ADGRL3: variants seen among roughly 807,000 people sequenced by gnomAD.
ADGRL3 encodes the protein calcium-independent alpha-latrotoxin receptor 3.
In ADGRL3, 62 loss-of-function variants were observed where a neutral mutation model predicts 153.5. The observed-to-expected ratio is 0.40, with a 90% CI of 0.33 to 0.50. ADGRL3 has a LOEUF of 0.50. ADGRL3 is among the 20% of genes least tolerant of loss of function. The pLI is 0.47. For synonymous variants in ADGRL3, 710 were observed against 672.5 expected, an observed-to-expected ratio of 1.06 and a Z score of -0.86; for missense variants, 1,641 against 1,859.4, an observed-to-expected ratio of 0.88 and a Z score of 2.16.
intron 17 of ADGRL3, among the ~76,000 whole-genome samples, chr4:61,964,699 TTTC>T (rs1293566891): frequency 6.6e-6 from 1 of 152,112 alleles, no homozygotes; most frequent in Non-Finnish European, 1.5e-5. Flanking sequence ...ATTGATTTGT[TTTC>T]TTCTTCATTA....
chr4:62,010,941 C>T (rs550575100), intron 21 of ADGRL3, among the ~76,000 whole-genome samples: 12 of 151,894 alleles, frequency 7.9e-5, no homozygotes, highest in African/African-American at 2.9e-4. Context: ...GTTTCAAAAC[C>T]AAGTTCATAT....
chr4:61,735,684 A>G (rs2096498767), intron 8 of ADGRL3, among the ~76,000 whole-genome samples: 1 of 152,214 alleles, frequency 6.6e-6, no homozygotes, highest in Non-Finnish European at 1.5e-5. Context: ...CAAAGGAATA[A>G]TAAATAATAA....
At chr4:61,553,215 G>A (rs1161024123) in intron 4 of ADGRL3, among the ~76,000 whole-genome samples, 1 of 152,140 alleles carries the variant, frequency 6.6e-6, no homozygotes, top group Non-Finnish European at 1.5e-5. Flanking sequence ...AAGTGAAACA[G>A]CTATTATTCC....
intron 2 of ADGRL3, among the ~76,000 whole-genome samples, chr4:61,383,831 T>C (rs1050121570): frequency 2.0e-5 from 3 of 151,922 alleles, no homozygotes; most frequent in South Asian, 4.1e-4. Context: ...CAGAAAATCA[T>C]AGAAGGCAAA....
At chr4:61,995,941 G>A (rs896179066) in intron 19 of ADGRL3, among the ~76,000 whole-genome samples, 3 of 152,042 alleles carry the variant, frequency 2.0e-5, no homozygotes, top group South Asian at 2.1e-4. Context: ...CACCATAATC[G>A]GAGAGAAAAG....
chr4:61,864,337 T>G (rs937978249), intron 9 of ADGRL3, among the ~76,000 whole-genome samples: 10 of 152,180 alleles, frequency 6.6e-5, no homozygotes, highest in African/African-American at 2.2e-4. Flanking sequence ...CCCCATTGGA[T>G]TTAAGCTCCA....
At chr4:61,282,329 ACTT>A (rs1335386063) in intron 1 of ADGRL3, among the ~76,000 whole-genome samples, 2 of 152,024 alleles carry the variant, frequency 1.3e-5, no homozygotes, top group African/African-American at 4.8e-5. Flanking sequence ...ACCATGTTAA[ACTT>A]CTACTTTCAC....
rs1041490661 is a variant in ADGRL3, at chr4:61,846,031, T to G, written c.1480+32142T>G. Among the ~76,000 whole-genome samples the G allele has an allele frequency of 2.6e-5, 4 of 152,228 alleles. No individual in the cohort carries two copies. The South Asian group carries it at 8.3e-4, about 32-fold the overall frequency. ...TATTTATGCAAATTAAAGTCCTTTCTTGGCCAGGTATGGTGGCTGAGGTCT... is the reference window on the plus strand; with the variant it reads ...TATTTATGCAAATTAAAGTCCTTTCGTGGCCAGGTATGGTGGCTGAGGTCT... On this transcript the variant is annotated intron_variant, in intron 9 of 26. Coordinates refer to ENST00000683033, the MANE Select transcript of ADGRL3 (RefSeq NM_001387552.1).
At chr4:61,395,779 A>G (rs1407495036) in intron 2 of ADGRL3, among the ~76,000 whole-genome samples, 2 of 151,996 alleles carry the variant, frequency 1.3e-5, no homozygotes, top group African/African-American at 2.4e-5. Flanking sequence ...ATATCTGAAA[A>G]TGTTTTAACT....
chr4:61,411,199 A>G (rs1349824768), intron 2 of ADGRL3, among the ~76,000 whole-genome samples: 1 of 152,084 alleles, frequency 6.6e-6, no homozygotes, highest in African/African-American at 2.4e-5. Context: ...AACATTTCTG[A>G]TCATATATTA....
At chr4:61,561,495 T>C (rs1197012135) in intron 4 of ADGRL3, among the ~76,000 whole-genome samples, 1 of 152,166 alleles carries the variant, frequency 6.6e-6, no homozygotes, top group African/African-American at 2.4e-5. Context: ...TTCTGGCTTT[T>C]TTAAAACAAA....
chr4:61,766,870 A>C (rs2096989008), intron 8 of ADGRL3, among the ~76,000 whole-genome samples: 1 of 152,034 alleles, frequency 6.6e-6, no homozygotes, highest in African/African-American at 2.4e-5. Flanking sequence ...GGATAGGCAA[A>C]ACAATTTGGT....
chr4:61,891,978 G>A (rs1462927123), intron 9 of ADGRL3, among the ~76,000 whole-genome samples: 1 of 152,098 alleles, frequency 6.6e-6, no homozygotes, highest in Non-Finnish European at 1.5e-5. Flanking sequence ...AAACAATCTT[G>A]TTAGAGGATA....
At chr4:61,301,697 G>A (rs532327410) in intron 1 of ADGRL3, among the ~76,000 whole-genome samples, 24 of 152,240 alleles carry the variant, frequency 1.6e-4, no homozygotes, top group Non-Finnish European at 2.9e-4. Flanking sequence ...TACTCTTCTA[G>A]AGGTGACATA....
chr4:61,702,599 A>C (rs1292554930), intron 6 of ADGRL3, among the ~76,000 whole-genome samples: 1 of 152,066 alleles, frequency 6.6e-6, no homozygotes, highest in Non-Finnish European at 1.5e-5. Flanking sequence ...TTTTATTTTT[A>C]TGCCTTTGAT....
At chr4:62,025,915 T>C (rs1281621807) in intron 21 of ADGRL3, among the ~76,000 whole-genome samples, 1 of 152,120 alleles carries the variant, frequency 6.6e-6, no homozygotes, top group African/African-American at 2.4e-5. Context: ...GTTCTGTGGA[T>C]CTGCTTTTTC....
chr4:61,356,855 G>A (rs1224720365), intron 1 of ADGRL3, among the ~76,000 whole-genome samples: 2 of 151,966 alleles, frequency 1.3e-5, no homozygotes, highest in African/African-American at 4.8e-5. Context: ...GTTTCTTTTT[G>A]TTTGACACAA....
At chr4:61,466,829 T>C (rs938024892) in intron 2 of ADGRL3, among the ~76,000 whole-genome samples, 5 of 152,154 alleles carry the variant, frequency 3.3e-5, no homozygotes, top group African/African-American at 4.8e-5. Flanking sequence ...CTTTGGTTAT[T>C]TTAGACAAGC....
chr4:61,589,965 A>T (rs1319136312), intron 5 of ADGRL3, among the ~76,000 whole-genome samples: 1 of 152,104 alleles, frequency 6.6e-6, no homozygotes, highest in Non-Finnish European at 1.5e-5. Context: ...ATTGCTTTCC[A>T]GATTGCATTT....
Sources: allele counts gnomAD v4.1 joint callset (sites outside exome capture counted in the v4.1 genomes callset), GRCh38; gene constraint gnomAD v4.1.1; transcripts MANE v1.5; gene names NCBI Gene and HGNC (gene_info 2026-07-23, HGNC 2026-07-21).